The following XKR6 variants were observed in gnomAD, a reference collection of about 807,000 sequenced individuals.
XKR6 encodes the protein XK related 6, also known as XK-related protein 6.
XKR6 carries 22 observed loss-of-function variants against 56.7 expected under a neutral mutation model. The ratio of observed to expected loss-of-function variants is 0.39; its 90% confidence interval spans 0.28 to 0.55. The LOEUF (loss-of-function observed/expected upper bound fraction) is 0.55. XKR6 is among the 20% of genes least tolerant of loss of function. The probability of loss-of-function intolerance (pLI) is 0.66; values close to 1 mark genes in which losing one functional copy is unlikely to be tolerated. For missense variants in XKR6, 852 were observed against 889.0 expected (o/e 0.96, Z 0.53); for synonymous variants, 524 against 387.8 (o/e 1.35, Z -4.13).
At chr8:11,064,388 T>C (rs545903120) in intron 1 of XKR6, among the ~76,000 whole-genome samples, 1 of 152,304 alleles carries the variant, frequency 6.6e-6, no homozygotes, top group East Asian at 1.9e-4. Flanking sequence ...CTACCCCTCG[T>C]GGTCATGGGC....
intron 1 of XKR6, among the ~76,000 whole-genome samples, chr8:11,186,082 G>C (rs921602183): frequency 6.6e-6 from 1 of 152,054 alleles, no homozygotes; most frequent in Non-Finnish European, 1.5e-5. Context: ...GCCAAGTCCC[G>C]AATCAAAACA....
intron 1 of XKR6, among the ~76,000 whole-genome samples, chr8:11,151,479 T>G (rs1399132908): frequency 6.6e-6 from 1 of 152,194 alleles, no homozygotes; most frequent in Non-Finnish European, 1.5e-5. Flanking sequence ...ATGGCAAGAT[T>G]TTAATCTTGG....
rs537980485 is a variant in XKR6, at chr8:11,035,275, A to G, written c.765-110445T>C. The G allele has an allele frequency of 2.1e-5, 11 of 534,782 alleles. No homozygotes were observed. In the Admixed American group the frequency reaches 2.1e-4, roughly 10 times the overall value. 33.1% of individuals were successfully genotyped at this position (534,782 alleles called of 1,614,324 possible). ...ATTTCCAGCTCACACCATCGGGATC[A>G]CCGCCAGCATCAGCAGCATCATCAA... On this transcript the variant is annotated intron_variant, in intron 1 of 2. Transcript: ENST00000416569.
intron 1 of XKR6, among the ~76,000 whole-genome samples, chr8:11,041,677 G>A (rs998249728): frequency 1.2e-4 from 18 of 152,332 alleles, no homozygotes; most frequent in African/African-American, 4.1e-4. Context: ...GTCATCTTAG[G>A]TGGGACTAGA....
At chr8:11,091,310 T>C (rs1000400459) in intron 1 of XKR6, among the ~76,000 whole-genome samples, 3 of 151,988 alleles carry the variant, frequency 2.0e-5, no homozygotes, top group Non-Finnish European at 2.9e-5. Context: ...TGGTGGTGCA[T>C]GCCCACAGTC....
intron 2 of XKR6, among the ~76,000 whole-genome samples, chr8:10,923,712 G>A (rs370649307): frequency 3.3e-5 from 5 of 152,224 alleles, no homozygotes; most frequent in South Asian, 2.1e-4. Context: ...GTGGTGACAC[G>A]GAGGGCCTCC....
intron 2 of XKR6, among the ~76,000 whole-genome samples, chr8:10,917,369 G>T (rs1421243952): frequency 6.6e-6 from 1 of 152,246 alleles, no homozygotes; most frequent in African/African-American, 2.4e-5. Flanking sequence ...CCACTCCCAG[G>T]AGATCCTGCC....
intron 2 of XKR6, among the ~76,000 whole-genome samples, chr8:10,914,041 G>C (rs1800485490): frequency 6.6e-6 from 1 of 152,162 alleles, no homozygotes; most frequent in Non-Finnish European, 1.5e-5. Context: ...GATGGCCCTT[G>C]GGCAAATTCC....
intron 1 of XKR6, among the ~76,000 whole-genome samples, chr8:11,037,772 C>G (rs563028933): frequency 6.6e-6 from 1 of 151,240 alleles, no homozygotes; most frequent in Non-Finnish European, 1.5e-5. Context: ...GCAGGAGATT[C>G]GTTTGAACCC....
chr8:11,088,245 T>G (rs1797956411), intron 1 of XKR6, among the ~76,000 whole-genome samples: 2 of 114,372 alleles, frequency 1.7e-5, no homozygotes, highest in African/African-American at 8.9e-5. Context: ...AAATATCTAC[T>G]TGAGCCCTTC....
rs545046367 is a variant in XKR6, at chr8:11,020,445, T to C, written c.765-95615A>G. Among the ~76,000 whole-genome samples, 32 of 152,362 alleles carry C rather than the reference T, an allele frequency of 2.1e-4. No homozygotes were observed. In the East Asian group the frequency reaches 6.2e-3, roughly 29 times the overall value. On this transcript the variant is annotated intron_variant, in intron 1 of 2. Coordinates refer to ENST00000416569, the MANE Select transcript of XKR6 (RefSeq NM_173683.4). ...GGCAAGCCCTGTGCTAAGTTCCTTGTGACCTCACCTGTAAACGGTGCTGCT... is the reference window on the plus strand; with the variant it reads ...GGCAAGCCCTGTGCTAAGTTCCTTGCGACCTCACCTGTAAACGGTGCTGCT...
intron 1 of XKR6, among the ~76,000 whole-genome samples, chr8:10,984,942 G>T (rs1797826581): frequency 6.6e-6 from 1 of 151,400 alleles, no homozygotes; most frequent in East Asian, 1.9e-4. Context: ...TTTTGTTGTG[G>T]TTTTTTGTTT....
At chr8:10,907,473 A>G (rs1006654590) in intron 2 of XKR6, among the ~76,000 whole-genome samples, 2 of 152,170 alleles carry the variant, frequency 1.3e-5, no homozygotes, top group African/African-American at 4.8e-5. Context: ...ACATAACTCA[A>G]TTGTTATGTT....
intron 1 of XKR6, among the ~76,000 whole-genome samples, chr8:11,103,839 A>G (rs1372596084): frequency 6.6e-6 from 1 of 152,240 alleles, no homozygotes; most frequent in Non-Finnish European, 1.5e-5. Flanking sequence ...TTGATTTAGC[A>G]TCTTTTCTCT....
intron 1 of XKR6, among the ~76,000 whole-genome samples, chr8:11,195,652 CTTTT>C (rs767554251): frequency 7.0e-6 from 1 of 142,766 alleles, no homozygotes; most frequent in Admixed American, 7.0e-5. Context: ...CACTGAGTTT[CTTTT>C]TTTTTTTTTT....
intron 1 of XKR6, chr8:11,062,825 G>C: frequency 2.2e-6 from 1 of 456,298 alleles, no homozygotes; most frequent in Non-Finnish European, 4.4e-6. Flanking sequence ...TCGGCAATCA[G>C]CGTGGCCGTG....
At chr8:11,166,482 G>C (rs1222596140) in intron 1 of XKR6, among the ~76,000 whole-genome samples, 1 of 152,106 alleles carries the variant, frequency 6.6e-6, no homozygotes, top group African/African-American at 2.4e-5. Flanking sequence ...TTTTGTTATA[G>C]CAGCCGTGAT....
chr8:11,193,101 C>A (rs186965803), intron 1 of XKR6, among the ~76,000 whole-genome samples: 1 of 152,308 alleles, frequency 6.6e-6, no homozygotes, highest in South Asian at 2.1e-4. Flanking sequence ...TCAACCCTAC[C>A]TTTCCTCCAA....
At chr8:11,055,683 G>C (rs995521421) in intron 1 of XKR6, among the ~76,000 whole-genome samples, 1 of 152,194 alleles carries the variant, frequency 6.6e-6, no homozygotes, top group African/African-American at 2.4e-5. Context: ...GGGCCTCCTG[G>C]ATTCACCTAG....
Sources: gnomAD v4.1 joint callset for allele counts (sites outside exome capture counted in the v4.1 genomes callset) on GRCh38, gnomAD v4.1.1 for gene constraint, MANE v1.5 for transcripts, NCBI Gene and HGNC (gene_info 2026-07-23, HGNC 2026-07-21) for gene names.